The following ZNF578 variants were observed in gnomAD, a reference collection of about 807,000 sequenced individuals.
The protein encoded by ZNF578 is zinc finger protein 578, also known as Putative chemokine-related protein B42.
In ZNF578, 8 loss-of-function variants were observed where a neutral mutation model predicts 8.3. The ratio of observed to expected loss-of-function variants is 0.96; its 90% CI spans 0.56 to 1.74. ZNF578 has a LOEUF of 1.74. Among genes scored for constraint, ZNF578 ranks in the 40% most tolerant of loss-of-function variants. The pLI is 0.00. For missense variants in ZNF578, 726 were observed against 707.5 expected (o/e 1.03, Z -0.30); for synonymous variants, 206 against 232.2 (o/e 0.89, Z 1.03).
At chr19:52,462,423 A>G (rs2122771422) in intron 2 of ZNF578, among the ~76,000 whole-genome samples, 1 of 152,274 alleles carries the variant, frequency 6.6e-6, no homozygotes, top group South Asian at 2.1e-4. Context: ...AGGCATCCAA[A>G]CACTATTATT....
At position 52,501,898 on chromosome 19, in the gene ZNF578, C is replaced by G; in HGVS notation, c.53C>G (p.Ala18Gly). The stretch of plus-strand genomic sequence containing the variant: ...AGGAAAGGAAAGGAGCCAGGCATGG[C>G]TCTTCCTCAGGTGAAGTGATATTCC... ...QKRKGKEPGM[A>G]LPQGRLTFRD... The change falls in exon 4 of 6, where the codon GCT becomes GGT. Residue 18 changes from alanine to glycine, a missense_variant. Transcript: ENST00000421239. The G allele has an allele frequency of 6.2e-7, 1 of 1,613,250 alleles. No homozygotes were observed. The highest frequency in any genetic ancestry group is 8.5e-7 in the Non-Finnish European group (1 of 1,179,738).
intron 5 of ZNF578, among the ~76,000 whole-genome samples, chr19:52,507,545 CA>C (rs1183666231): frequency 6.6e-6 from 1 of 151,500 alleles, no homozygotes. Flanking sequence ...CAAAAACAGA[CA>C]AAAAAAGAAA....
intron 2 of ZNF578, among the ~76,000 whole-genome samples, chr19:52,477,312 C>G (rs969711236): frequency 2.0e-5 from 3 of 152,102 alleles, no homozygotes; most frequent in African/African-American, 7.2e-5. Flanking sequence ...GGGACCCACC[C>G]CTGAAGTGTG....
In ZNF578 at chr19:52,469,167, G is replaced by GTTTTTT. The variant is rs3054902; in HGVS notation, c.-122+12217_-122+12222dup. Among the ~76,000 whole-genome samples the GTTTTTT allele has an allele frequency of 8.4e-5, 11 of 130,630 alleles. No individual in the cohort carries two copies. In the East Asian group the frequency reaches 1.1e-3, roughly 13 times the overall value. The allele number at this position is 130,630 out of a possible 152,430, so 85.7% of individuals were successfully genotyped here. On this transcript the variant is annotated intron_variant, in intron 2 of 5. Transcript: ENST00000421239. Reference sequence around the variant, plus strand: ...TTGGTACCTGGAGTGGTTTTTTTTTGTTTTTTTTTTTTTGACAGGGTCTCA... The same window carrying GTTTTTT: ...TTGGTACCTGGAGTGGTTTTTTTTTGTTTTTTTTTTTTTTTTTTTGACAGGGTCTCA...
At chr19:52,492,015 C>G (rs1265860728) in intron 3 of ZNF578, among the ~76,000 whole-genome samples, 1 of 151,562 alleles carries the variant, frequency 6.6e-6, no homozygotes, top group African/African-American at 2.4e-5. Flanking sequence ...AAAAAATTAG[C>G]TGGGCTTCGT....
intron 2 of ZNF578, among the ~76,000 whole-genome samples, chr19:52,484,524 C>T (rs992682614): frequency 6.6e-6 from 1 of 152,128 alleles, no homozygotes; most frequent in African/African-American, 2.4e-5. Context: ...TGCAGACTTC[C>T]ACAGTGTATT....
rs982155819 is a variant in ZNF578, at chr19:52,467,013, AT to A, written c.-122+10070del. Among the ~76,000 whole-genome samples the A allele has an allele frequency of 3.8e-3, 542 of 143,142 alleles. 1 individual carries two copies. The highest frequency in any genetic ancestry group is 4.2e-3 in the Non-Finnish European group (274 of 64,854). The allele number at this position is 143,142 out of a possible 152,430, so 93.9% of individuals were successfully genotyped here. On this transcript the variant is annotated intron_variant, in intron 2 of 5. Coordinates refer to ENST00000421239, the MANE Select transcript of ZNF578 (RefSeq NM_001099694.2). ...TTCCCAGGCAACCCTCTCTTGATTA[AT>A]TTTTTTTTTTTTTTGAGACAGAGTC...
Position 52,490,514 on chromosome 19 carries a change from A to G in ZNF578, c.-121-810A>G, listed in dbSNP as rs563861232. On this transcript the variant is annotated intron_variant, in intron 2 of 5. Coordinates refer to ENST00000421239, the MANE Select transcript of ZNF578 (RefSeq NM_001099694.2). ...TACTGATTAATATTTAAGATTTCAC[A>G]TATGGCTTTTCAGTATATGATATGT... Among the ~76,000 whole-genome samples the G allele has an allele frequency of 2.0e-5, 3 of 152,316 alleles. No individual in the cohort carries two copies. In the South Asian group the frequency reaches 6.2e-4, roughly 32 times the overall value.
At chr19:52,504,634 G>T (rs754384684) in intron 4 of ZNF578, 21 bp from the exon 5 acceptor site, 1 of 1,613,500 alleles carries the variant, frequency 6.2e-7, no homozygotes, top group Non-Finnish European at 8.5e-7. Context: ...ATGTTTTGTT[G>T]AAATGTGTGT....
intron 3 of ZNF578, among the ~76,000 whole-genome samples, chr19:52,493,253 G>A (rs904934841): frequency 1.3e-5 from 2 of 152,122 alleles, no homozygotes; most frequent in African/African-American, 4.8e-5. Context: ...TGCGTCTTCT[G>A]CCTGGTCCTG....
rs1012030561 is a variant in ZNF578, at chr19:52,512,385, G to A, written c.*231G>A. The stretch of plus-strand genomic sequence containing the variant: ...ACAAAGTCTTCAGTAACGCTACAAC[G>A]ATTGCAAATCATTGGAGAATCCATA... On this transcript the variant is annotated 3_prime_UTR_variant, in exon 6 of 6. Transcript: ENST00000421239. 3.4e-6 allele frequency: 5 copies of A among 1,491,788 alleles called. No homozygotes were observed. Among genetic ancestry groups the A allele is most frequent in the African/African-American group, 1.4e-5 (1 of 72,186 alleles). The allele number at this position is 1,491,788 out of a possible 1,614,324, so 92.4% of individuals were successfully genotyped here. A position where few individuals can be genotyped will look rare whatever the true frequency, so the allele number is the denominator to read the frequency against.
intron 5 of ZNF578, among the ~76,000 whole-genome samples, chr19:52,506,908 A>G (rs1387372631): frequency 6.6e-6 from 1 of 152,180 alleles, no homozygotes; most frequent in African/African-American, 2.4e-5. Flanking sequence ...GGTGATGTTG[A>G]TGATGAGATG....
Position 52,513,053 on chromosome 19 carries a change from T to C in ZNF578, c.*899T>C, listed in dbSNP as rs1484581792. Among the ~76,000 whole-genome samples, 1 of 152,112 alleles carries C rather than the reference T, an allele frequency of 6.6e-6. No homozygotes were observed. Among genetic ancestry groups the C allele is most frequent in the Non-Finnish European group, 1.5e-5 (1 of 68,020 alleles). ...ATTATTTTTTGAGATGGAGTGTTGC[T>C]CTTGCTGCCCAGGCTAGAGTGCAAT... On this transcript the variant is annotated 3_prime_UTR_variant, in exon 6 of 6. Coordinates refer to ENST00000421239, the MANE Select transcript of ZNF578 (RefSeq NM_001099694.2).
intron 2 of ZNF578, among the ~76,000 whole-genome samples, chr19:52,478,439 T>C (rs1167381197): frequency 6.6e-6 from 1 of 152,212 alleles, no homozygotes; most frequent in Non-Finnish European, 1.5e-5. Context: ...GGGGTTTCTA[T>C]TTCTGCTACC....
chr19:52,482,410 C>T (rs1017746950), intron 2 of ZNF578, among the ~76,000 whole-genome samples: 3 of 151,992 alleles, frequency 2.0e-5, no homozygotes, highest in African/African-American at 4.8e-5. Flanking sequence ...GGCCGAGGTA[C>T]GTGGATCACG....
In ZNF578 at chr19:52,515,321, C is replaced by G. The variant is rs760715873; in HGVS notation, c.*3167C>G. ...ATTTCTTAGTTCTACAGCTGACCCTCTTTCACTGTTTCCAAGGTCAATAGC... is the reference window on the plus strand; with the variant it reads ...ATTTCTTAGTTCTACAGCTGACCCTGTTTCACTGTTTCCAAGGTCAATAGC... On this transcript the variant is annotated 3_prime_UTR_variant, in exon 6 of 6. Transcript: ENST00000421239. 6.6e-6 allele frequency among the ~76,000 whole-genome samples: 1 copy of G among 152,186 alleles called. No individual in the cohort carries two copies. The highest frequency in any genetic ancestry group is 1.5e-5 in the Non-Finnish European group (1 of 68,044).
intron 2 of ZNF578, among the ~76,000 whole-genome samples, chr19:52,481,344 C>T (rs540851430): frequency 1.3e-5 from 2 of 152,260 alleles, no homozygotes; most frequent in Admixed American, 6.5e-5. Flanking sequence ...GGAGAAGGAA[C>T]GCGGGAATTA....
intron 2 of ZNF578, among the ~76,000 whole-genome samples, chr19:52,482,830 C>T (rs7260027): frequency 0.6 from 90,701 of 150,020 alleles, 27,409 homozygotes; most frequent in Admixed American, 0.64. Flanking sequence ...TCAGCTACTT[C>T]GGAGGCTGAG....
intron 2 of ZNF578, among the ~76,000 whole-genome samples, chr19:52,486,542 G>C (rs560206754): frequency 3.3e-5 from 5 of 152,304 alleles, no homozygotes; most frequent in African/African-American, 9.6e-5. Flanking sequence ...GAGACATGAA[G>C]GACGGCAAGG....
Sources: allele counts gnomAD v4.1 joint callset (sites outside exome capture counted in the v4.1 genomes callset), GRCh38; gene constraint gnomAD v4.1.1; transcripts MANE v1.5; gene names NCBI Gene and HGNC (gene_info 2026-07-23, HGNC 2026-07-21).